Variants in KDM4A observed in about 807,000 individuals in gnomAD.
The protein encoded by KDM4A is lysine-specific demethylase 4A.
Under a neutral mutation model 127.1 loss-of-function variants are expected in KDM4A, and 23 were observed. The observed-to-expected ratio is 0.18, with a 90% CI of 0.13 to 0.26. The LOEUF (loss-of-function observed/expected upper bound fraction) is 0.26. Among genes scored for constraint, KDM4A ranks in the 10% least tolerant of loss-of-function variants. KDM4A has a pLI of 1.00. For missense variants in KDM4A, 890 were observed against 1,329.1 expected (o/e 0.67, Z 5.14); for synonymous variants, 443 against 466.5 (o/e 0.95, Z 0.65).
chr1:43,701,829 C>T (rs1661403636), intron 19 of KDM4A, among the ~76,000 whole-genome samples: 1 of 152,170 alleles, frequency 6.6e-6, no homozygotes, highest in South Asian at 2.1e-4. Flanking sequence ...ATGAACAAAG[C>T]AGCTAGTGTA....
At chr1:43,696,398 G>C (rs565439101) in intron 18 of KDM4A, among the ~76,000 whole-genome samples, 1 of 152,240 alleles carries the variant, frequency 6.6e-6, no homozygotes, top group South Asian at 2.1e-4. Flanking sequence ...AAGGAAGAAC[G>C]TGATAGATGG....
chr1:43,686,365 C>T (rs1660980481), intron 12 of KDM4A, among the ~76,000 whole-genome samples: 2 of 143,306 alleles, frequency 1.4e-5, no homozygotes, highest in East Asian at 4.3e-4. Context: ...CGGAGTCTTA[C>T]TCACTCTGTT....
intron 12 of KDM4A, 23 bp downstream of exon 12, chr1:43,683,827 CAGG>C (rs1458876978): frequency 6.2e-7 from 1 of 1,612,370 alleles, no homozygotes; most frequent in Non-Finnish European, 8.5e-7. Context: ...TTTTCTTCAC[CAGG>C]AGGAAAGCAG....
rs1661088307 is a variant in KDM4A, at chr1:43,690,730, A to G, written c.2038-115A>G. ...CCGGGATAATGGCTGTGCACCCGGG[A>G]GCTGTAGCCATAGTCAGATCGGTAA... On this transcript the variant is annotated intron_variant, in intron 13 of 21. Transcript: ENST00000372396. 3.2e-6 allele frequency: 3 copies of G among 943,690 alleles called. No individual in the cohort carries two copies. The South Asian group carries it at 4.0e-5, about 12-fold the overall frequency. The allele number at this position is 943,690 out of a possible 1,614,324, so 58.5% of individuals were successfully genotyped here.
At chr1:43,681,120 C>T (rs1286192882) in intron 11 of KDM4A, among the ~76,000 whole-genome samples, 2 of 152,164 alleles carry the variant, frequency 1.3e-5, no homozygotes, top group African/African-American at 4.8e-5. Context: ...GTTTCTTATT[C>T]TTTGTCCACC....
chr1:43,704,194 G>C (rs1307916040), intron 21 of KDM4A, 36 bp from the exon 22 acceptor site: 1 of 1,613,896 alleles, frequency 6.2e-7, no homozygotes, highest in Non-Finnish European at 8.5e-7. Flanking sequence ...ATTGTTCCTG[G>C]GGTAGCTGAC....
chr1:43,683,594 C>A (rs1453300475), intron 11 of KDM4A, 90 bp from the exon 12 acceptor site: 4 of 1,449,124 alleles, frequency 2.8e-6, no homozygotes, highest in Non-Finnish European at 2.8e-6. Flanking sequence ...CTCTGTGCCC[C>A]TCTCTTTCCT....
chr1:43,665,366 C>CT (rs902974786), intron 5 of KDM4A, among the ~76,000 whole-genome samples: 6 of 151,366 alleles, frequency 4.0e-5, no homozygotes, highest in Admixed American at 6.6e-5. Flanking sequence ...TGACATCCTT[C>CT]TTTTTTTTTC....
chr1:43,691,217 T>C (rs902710718), intron 14 of KDM4A, among the ~76,000 whole-genome samples, 168 bp downstream of exon 14: 8 of 152,218 alleles, frequency 5.3e-5, no homozygotes, highest in African/African-American at 1.9e-4. Flanking sequence ...ATACTGGCAC[T>C]AGTCATCTCT....
chr1:43,669,104 G>A lies in KDM4A; in HGVS notation c.1168G>A (p.Ala390Thr), dbSNP rs1364814677. 2.5e-6 allele frequency: 4 copies of A among 1,614,166 alleles called. No individual in the cohort carries two copies. The East Asian group carries it at 6.7e-5, about 27-fold the overall frequency. The change falls in exon 10 of 22, where the codon GCC becomes ACC. Residue 390 changes from alanine to threonine, a missense_variant. Ala to Thr is a moderately conservative substitution (Grantham distance 58). Around this residue, in one of 7 missense-constraint regions of KDM4A, gnomAD observed 389 missense variants for 485.9 expected, o/e 0.80. Transcript: ENST00000372396. ...GATTTGCCCTCTCCCTTGCAGCCTG[G>A]CCAAGCACCGAATAGGGACAAAGAG... ...GEEGDLKTSLAKHRIGTKRHR... is the reference protein window; with the variant it reads ...GEEGDLKTSLTKHRIGTKRHR...
intron 1 of KDM4A, chr1:43,650,643 G>T (rs1005409166): frequency 1.3e-5 from 2 of 152,458 alleles, no homozygotes; most frequent in Admixed American, 6.5e-5. Flanking sequence ...AGTCCGAGGG[G>T]GTTGTTAGCA....
rs61745207 is a variant in KDM4A, at chr1:43,694,855, C to A, written c.2631C>A (p.Val877=). 1 of 1,607,330 alleles carries A rather than the reference C, an allele frequency of 6.2e-7. No individual in the cohort carries two copies. The highest frequency in any genetic ancestry group is 1.3e-5 in the African/African-American group (1 of 74,820). Residue 877 remains valine (V), a synonymous_variant, in exon 18 of 22, where the codon GTC becomes GTA. Transcript: ENST00000372396. This position sits in a 1 kb window ranked among gnomAD's most constrained non-coding sequence, Gnocchi z 5.2. ...MMQPDDWPFV[V]FITCFRHKIP... is the part of the protein sequence containing the mutation. ...AGCCTGACGACTGGCCTTTTGTGGT[C>A]TTCATTACCTGCTTTCGGCACAAGA... is the stretch of plus-strand genomic sequence containing the variant.
intron 4 of KDM4A, among the ~76,000 whole-genome samples, chr1:43,662,600 C>T (rs1570820888): frequency 6.6e-6 from 1 of 152,160 alleles, no homozygotes; most frequent in South Asian, 2.1e-4. Flanking sequence ...GAGCGAGACT[C>T]CGTCTCAAAA....
intron 19 of KDM4A, among the ~76,000 whole-genome samples, chr1:43,701,646 C>T (rs1378878883): frequency 6.6e-6 from 1 of 152,058 alleles, no homozygotes; most frequent in Non-Finnish European, 1.5e-5. Flanking sequence ...TGCCATCACA[C>T]CTGGATAATT....
At chr1:43,674,700 A>G (rs1007116349) in intron 11 of KDM4A, among the ~76,000 whole-genome samples, 3 of 151,624 alleles carry the variant, frequency 2.0e-5, no homozygotes, top group Non-Finnish European at 4.4e-5. Flanking sequence ...TATTTTTTTT[A>G]GTAGAGATGG....
At position 43,694,111 on chromosome 1, in the gene KDM4A, T is replaced by A; in HGVS notation, c.2484+9T>A. The A allele has an allele frequency of 6.3e-7, 1 of 1,597,166 alleles. No homozygotes were observed. Reference sequence around the variant, plus strand: ...TGCCCCGCTTCAAACTGGTAAGGGCTTGTAGACTCTACATAATTTCCCGAC... The same window carrying A: ...TGCCCCGCTTCAAACTGGTAAGGGCATGTAGACTCTACATAATTTCCCGAC... On this transcript the variant is annotated intron_variant, in intron 17 of 21. Coordinates refer to ENST00000372396, the MANE Select transcript of KDM4A (RefSeq NM_014663.3). This position sits in a 1 kb window ranked among gnomAD's most constrained non-coding sequence, Gnocchi z 5.2.
At chr1:43,687,210 G>A (rs1331186544) in intron 12 of KDM4A, among the ~76,000 whole-genome samples, 1 of 152,224 alleles carries the variant, frequency 6.6e-6, no homozygotes, top group Non-Finnish European at 1.5e-5. Context: ...AGGGTACACT[G>A]AGGCGGCGCA....
intron 15 of KDM4A, among the ~76,000 whole-genome samples, 183 bp from the exon 16 acceptor site, chr1:43,692,073 G>A (rs1409418538): frequency 6.6e-6 from 1 of 152,248 alleles, no homozygotes; most frequent in Non-Finnish European, 1.5e-5. Context: ...GCACACTTTA[G>A]CCCTGAGTGG....
Position 43,655,582 on chromosome 1 carries a change from T to C in KDM4A, c.139-9T>C. On this transcript the variant is annotated splice_polypyrimidine_tract_variant and intron_variant, in intron 2 of 21. Transcript: ENST00000372396. ...TCATCTGTCTTTTTGTTTCTTGTGT[T>C]CCCTTCAGGTTGTTCCTCCAAAAGA... 6.3e-7 allele frequency: 1 copy of C among 1,598,916 alleles called. No homozygotes were observed. The highest frequency in any genetic ancestry group is 8.5e-7 in the Non-Finnish European group (1 of 1,172,586).
Sources: allele counts gnomAD v4.1 joint callset (sites outside exome capture counted in the v4.1 genomes callset), GRCh38; gene constraint gnomAD v4.1.1; regional missense constraint gnomAD v4.1.1; non-coding constraint Gnocchi (gnomAD v3.1); transcripts MANE v1.5; gene names NCBI Gene and HGNC (gene_info 2026-07-23, HGNC 2026-07-21).